Variants in IFT52 observed in about 807,000 individuals in gnomAD.
The protein encoded by IFT52 is intraflagellar transport 52.
In IFT52, 44 loss-of-function variants were observed where a neutral mutation model predicts 54.4. That is an observed-to-expected ratio of 0.81 (90% CI 0.63 to 1.04). The LOEUF (loss-of-function observed/expected upper bound fraction) is 1.04, where lower values mean the gene tolerates loss of function less well. IFT52 is among the 50% of genes least tolerant of loss of function. IFT52 has a pLI of 0.00. For synonymous variants in IFT52, 181 were observed against 185.3 expected, an observed-to-expected ratio of 0.98 and a Z score of 0.19; for missense variants, 452 against 523.6, an observed-to-expected ratio of 0.86 and a Z score of 1.33.
chr20:43,605,504 G>A (rs538844964), intron 6 of IFT52, among the ~76,000 whole-genome samples: 3 of 152,254 alleles, frequency 2.0e-5, no homozygotes, highest in South Asian at 2.1e-4. Flanking sequence ...CCAAGATTAC[G>A]CCACTGCACT....
rs945079850 is a variant in IFT52, at chr20:43,635,982, T to C, written c.980T>C (p.Phe327Ser). The C allele has an allele frequency of 4.3e-6, 7 of 1,614,086 alleles. No homozygotes were observed. The highest frequency in any genetic ancestry group is 5.9e-6 in the Non-Finnish European group (7 of 1,180,038). The change falls in exon 11 of 14, where the codon TTT becomes TCT. Residue 327 changes from phenylalanine to serine, a missense_variant. Physicochemically the swap from Phe to Ser is radical, Grantham distance 155 (BLOSUM62 -2). Transcript: ENST00000373030. ...CCACTCCAGCTCATCCAGCCTCAGT[T>C]TGAGACGCCGCTGCCAACCCTTCAG... The part of the protein sequence containing the change: ...HEPLQLIQPQ[F>S]ETPLPTLQPA...
At chr20:43,646,072 G>C (rs1009361880) in intron 13 of IFT52, among the ~76,000 whole-genome samples, 1 of 151,764 alleles carries the variant, frequency 6.6e-6, no homozygotes, top group Admixed American at 6.6e-5. Context: ...TTAGCCGCGC[G>C]TGGTGGCGGG....
intron 3 of IFT52, among the ~76,000 whole-genome samples, chr20:43,599,298 C>T (rs1982242974): frequency 6.6e-6 from 1 of 152,168 alleles, no homozygotes; most frequent in Non-Finnish European, 1.5e-5. Flanking sequence ...AACACAGGGG[C>T]ATCCAAAGAG....
intron 10 of IFT52, among the ~76,000 whole-genome samples, chr20:43,635,354 G>T (rs560760165): frequency 7.0e-4 from 107 of 152,022 alleles, no homozygotes; most frequent in African/African-American, 2.5e-3. Flanking sequence ...GCAATCGCAC[G>T]ATCTCTGCTC....
intron 7 of IFT52, among the ~76,000 whole-genome samples, chr20:43,618,648 AT>A (rs11471869): frequency 6.6e-6 from 1 of 150,522 alleles, no homozygotes; most frequent in African/African-American, 2.4e-5. Context: ...CACCTGGCTG[AT>A]TTTTTTTTAT....
chr20:43,618,063 A>G (rs1983992357), intron 7 of IFT52, among the ~76,000 whole-genome samples: 1 of 151,614 alleles, frequency 6.6e-6, no homozygotes, highest in Admixed American at 6.6e-5. Context: ...TTAGCTTTCT[A>G]TTTGGATCTT....
chr20:43,604,968 T>G (rs1477553867), intron 5 of IFT52, 34 bp from the exon 6 acceptor site: 2 of 1,608,022 alleles, frequency 1.2e-6, no homozygotes, highest in Admixed American at 1.7e-5. Context: ...TCAAATTTTT[T>G]TTGTTTACTA....
At chr20:43,642,412 A>C in intron 12 of IFT52, 67 bp from the exon 13 acceptor site, 2 of 1,461,964 alleles carry the variant, frequency 1.4e-6, no homozygotes, top group South Asian at 2.4e-5. Context: ...CCTGAAACAC[A>C]CTAAGTCTGT....
At chr20:43,639,236 CAAAAAA>C (rs1226726402) in intron 12 of IFT52, among the ~76,000 whole-genome samples, 1 of 133,428 alleles carries the variant, frequency 7.5e-6, no homozygotes, top group South Asian at 2.4e-4. Flanking sequence ...CCCATCTCTA[CAAAAAA>C]AAAAAAAAAA....
intron 12 of IFT52, among the ~76,000 whole-genome samples, chr20:43,638,293 C>T (rs1039586431): frequency 2.6e-4 from 40 of 151,940 alleles, no homozygotes; most frequent in African/African-American, 9.2e-4. Context: ...TGAGTTCAAG[C>T]GATTCTCCTG....
intron 12 of IFT52, among the ~76,000 whole-genome samples, chr20:43,640,067 G>C (rs1025605886): frequency 6.6e-5 from 10 of 152,078 alleles, no homozygotes; most frequent in African/African-American, 2.4e-4. Flanking sequence ...AGGAGGCCCA[G>C]GTGGGAGGAT....
chr20:43,641,430 G>T (rs554137989), intron 12 of IFT52, among the ~76,000 whole-genome samples: 34 of 151,490 alleles, frequency 2.2e-4, no homozygotes, highest in Non-Finnish European at 3.5e-4. Context: ...TAGAGATAGG[G>T]TTTCTCCATG....
intron 7 of IFT52, among the ~76,000 whole-genome samples, chr20:43,614,996 A>T (rs369082329): frequency 2.0e-5 from 3 of 151,078 alleles, no homozygotes; most frequent in Admixed American, 2.0e-4. Context: ...TTTGGGAGAG[A>T]TGGAGTTTCA....
intron 9 of IFT52, among the ~76,000 whole-genome samples, chr20:43,621,760 G>C (rs1009314869): frequency 2.0e-5 from 3 of 152,232 alleles, no homozygotes; most frequent in Non-Finnish European, 4.4e-5. Flanking sequence ...ACTGGGCCCA[G>C]CCTTCTAGTT....
chr20:43,644,467 T>G (rs1397276637), intron 13 of IFT52, among the ~76,000 whole-genome samples: 1 of 59,020 alleles, frequency 1.7e-5, no homozygotes, highest in African/African-American at 4.9e-5. Flanking sequence ...CTAGGGTACA[T>G]CCATAAGATA....
At chr20:43,627,542 G>A (rs1396830863) in intron 10 of IFT52, among the ~76,000 whole-genome samples, 1 of 152,216 alleles carries the variant, frequency 6.6e-6, no homozygotes. Flanking sequence ...GCCAGGGTCA[G>A]TAACTAGCTG....
chr20:43,596,309 T>A (rs191549432), intron 2 of IFT52, 126 bp from the exon 3 acceptor site: 2 of 600,560 alleles, frequency 3.3e-6, no homozygotes, highest in African/African-American at 3.8e-5. Flanking sequence ...CTGGACCAGT[T>A]ACCTCTAAAT....
chr20:43,609,085 A>C (rs1053011705), intron 6 of IFT52, among the ~76,000 whole-genome samples: 10 of 151,306 alleles, frequency 6.6e-5, no homozygotes, highest in South Asian at 2.1e-4. Context: ...AAAAAAAAAA[A>C]CTGAAAATTA....
chr20:43,604,286 T>G (rs1177243021), intron 5 of IFT52, 28 bp downstream of exon 5: 3 of 1,527,598 alleles, frequency 2.0e-6, no homozygotes, highest in Non-Finnish European at 2.7e-6. Flanking sequence ...AGAAATATCT[T>G]GGCAAGGCAT....
Sources: allele counts gnomAD v4.1 joint callset (sites outside exome capture counted in the v4.1 genomes callset), GRCh38; gene constraint gnomAD v4.1.1; transcripts MANE v1.5; gene names NCBI Gene and HGNC (gene_info 2026-07-23, HGNC 2026-07-21).